The following SYCP2L variants were observed in gnomAD, a reference collection of about 807,000 sequenced individuals.
The protein encoded by SYCP2L is synaptonemal complex protein 2 like.
In SYCP2L, 98 loss-of-function variants were observed where a neutral mutation model predicts 125.8. The ratio of observed to expected loss-of-function variants is 0.78; its 90% CI spans 0.66 to 0.92. The LOEUF is 0.92. Among genes scored for constraint, SYCP2L ranks in the 40% least tolerant of loss-of-function variants. The probability of loss-of-function intolerance (pLI) is 0.00; values close to 1 mark genes in which losing one functional copy is unlikely to be tolerated. For missense variants in SYCP2L, 842 were observed against 936.4 expected, an observed-to-expected ratio of 0.90 and a Z score of 1.32; for synonymous variants, 317 against 325.4, an observed-to-expected ratio of 0.97 and a Z score of 0.28.
At chr6:10,904,011 C>T (rs563484753) in intron 8 of SYCP2L, among the ~76,000 whole-genome samples, 1 of 152,284 alleles carries the variant, frequency 6.6e-6, no homozygotes, top group South Asian at 2.1e-4. Flanking sequence ...GCTCTAACTT[C>T]ATCACACCTC....
intron 8 of SYCP2L, among the ~76,000 whole-genome samples, chr6:10,905,535 G>C (rs1414891875): frequency 2.0e-5 from 3 of 152,110 alleles, no homozygotes; most frequent in African/African-American, 7.2e-5. Flanking sequence ...CAGGTGATCT[G>C]CCCGTCTCGG....
At chr6:10,942,998 C>T (rs1781251103) in intron 23 of SYCP2L, among the ~76,000 whole-genome samples, 1 of 152,056 alleles carries the variant, frequency 6.6e-6, no homozygotes, top group Non-Finnish European at 1.5e-5. Context: ...GACCTGAATC[C>T]CACCAGCCAG....
At chr6:10,933,520 T>A (rs1168431133) in intron 20 of SYCP2L, among the ~76,000 whole-genome samples, 1 of 152,146 alleles carries the variant, frequency 6.6e-6, no homozygotes, top group Non-Finnish European at 1.5e-5. Context: ...ACTTGAGAAT[T>A]TGCATTTCCA....
chr6:10,973,142 TCTC>T (rs1221855757), intron 29 of SYCP2L, among the ~76,000 whole-genome samples: 4 of 152,230 alleles, frequency 2.6e-5, no homozygotes, highest in Admixed American at 2.0e-4. Context: ...CTGCCATTCT[TCTC>T]AGTAGGCATG....
chr6:10,969,036 T>C (rs1350148710), intron 29 of SYCP2L, among the ~76,000 whole-genome samples: 3 of 152,202 alleles, frequency 2.0e-5, no homozygotes, highest in African/African-American at 7.2e-5. Context: ...ACCCTCCCAC[T>C]CAGTTGGATT....
At chr6:10,889,107 G>A (rs369563029) in intron 1 of SYCP2L, among the ~76,000 whole-genome samples, 4 of 152,064 alleles carry the variant, frequency 2.6e-5, no homozygotes, top group South Asian at 4.1e-4. Context: ...TGATATGCCC[G>A]CCTTGGCCTC....
intron 29 of SYCP2L, among the ~76,000 whole-genome samples, chr6:10,969,771 G>T (rs1471933260): frequency 6.6e-6 from 1 of 152,088 alleles, no homozygotes; most frequent in Non-Finnish European, 1.5e-5. Context: ...TAGATGCCCA[G>T]CTAAATACAG....
chr6:10,946,336 C>A (rs755095435), intron 23 of SYCP2L, among the ~76,000 whole-genome samples: 1 of 151,758 alleles, frequency 6.6e-6, no homozygotes, highest in Admixed American at 6.6e-5. Flanking sequence ...TTTTCCATAA[C>A]GTGTAAATTT....
chr6:10,909,556 A>G (rs528124642), intron 10 of SYCP2L, among the ~76,000 whole-genome samples: 42 of 152,266 alleles, frequency 2.8e-4, no homozygotes, highest in African/African-American at 9.6e-4. Flanking sequence ...AAAAACTTGG[A>G]TCTGTCTCTT....
Position 10,907,857 on chromosome 6 carries a change from G to A in SYCP2L, c.819+173G>A, listed in dbSNP as rs971502166. On this transcript the variant is annotated intron_variant, in intron 10 of 29. Transcript: ENST00000283141. ...AAACAATTTGAGGGTAATATGAACA[G>A]AATATTTGTGAGCTAGATATAGGGA... 2.1e-5 allele frequency among the ~76,000 whole-genome samples: 3 copies of A among 142,428 alleles called. No homozygotes were observed. The Admixed American group carries it at 2.1e-4, about 10-fold the overall frequency. 93.4% of individuals were successfully genotyped at this position (142,428 alleles called of 152,430 possible). A position where few individuals can be genotyped will look rare whatever the true frequency, so the allele number is the denominator to read the frequency against.
chr6:10,942,310 T>C (rs1781238722), intron 21 of SYCP2L, 149 bp from the exon 22 acceptor site: 1 of 583,708 alleles, frequency 1.7e-6, no homozygotes. Context: ...AGAATTCGTG[T>C]CCCGAAAGAC....
intron 14 of SYCP2L, among the ~76,000 whole-genome samples, chr6:10,918,101 G>T (rs1341953762): frequency 6.6e-6 from 1 of 151,746 alleles, no homozygotes; most frequent in Non-Finnish European, 1.5e-5. Context: ...GGGAGGTTGA[G>T]GCTGGAGAGT....
intron 23 of SYCP2L, among the ~76,000 whole-genome samples, chr6:10,952,554 T>G (rs1781429648): frequency 6.7e-6 from 1 of 149,484 alleles, no homozygotes; most frequent in African/African-American, 2.5e-5. Flanking sequence ...AAGGACAAAC[T>G]TTGGGCTATT....
chr6:10,912,239 C>T lies in SYCP2L; in HGVS notation c.919-434C>T, dbSNP rs1360171883. 6.6e-6 allele frequency among the ~76,000 whole-genome samples: 1 copy of T among 152,112 alleles called. No homozygotes were observed. On this transcript the variant is annotated intron_variant, in intron 12 of 29. Coordinates refer to ENST00000283141, the MANE Select transcript of SYCP2L (RefSeq NM_001040274.3). The surrounding 1 kb of genome is among the most constrained non-coding windows in gnomAD (Gnocchi z 4.1). ...AATTAAAATGAAGGAAATTTGAAGT[C>T]TTCAAGTCTTAGCTGTACTCTAATG...
chr6:10,971,317 G>A (rs1469815351), intron 29 of SYCP2L, among the ~76,000 whole-genome samples: 1 of 151,870 alleles, frequency 6.6e-6, no homozygotes, highest in Non-Finnish European at 1.5e-5. Context: ...AATTAGCCGG[G>A]TGTGGTGGCA....
chr6:10,971,204 A>G (rs1188053205), intron 29 of SYCP2L, among the ~76,000 whole-genome samples: 3 of 152,110 alleles, frequency 2.0e-5, no homozygotes, highest in African/African-American at 7.2e-5. Context: ...CACACCTGTA[A>G]TCCCAGCACT....
chr6:10,905,442 G>A (rs113052787), intron 8 of SYCP2L, among the ~76,000 whole-genome samples: 18,948 of 151,832 alleles, frequency 0.12, 1,352 homozygotes, highest in Non-Finnish European at 0.15. Context: ...ACAGGCATGT[G>A]CTGCCACACC....
intron 15 of SYCP2L, among the ~76,000 whole-genome samples, chr6:10,925,744 G>A (rs1780885253): frequency 6.6e-6 from 1 of 152,162 alleles, no homozygotes; most frequent in Non-Finnish European, 1.5e-5. Context: ...TTTCATGGAT[G>A]AGGATGAGAA....
At chr6:10,921,927 C>T (rs912342728) in intron 14 of SYCP2L, among the ~76,000 whole-genome samples, 11 of 152,034 alleles carry the variant, frequency 7.2e-5, no homozygotes, top group Non-Finnish European at 1.3e-4. Flanking sequence ...AGGATGGTCT[C>T]GGTCTCCTGA....
Sources: allele counts gnomAD v4.1 joint callset (sites outside exome capture counted in the v4.1 genomes callset), GRCh38; gene constraint gnomAD v4.1.1; non-coding constraint Gnocchi (gnomAD v3.1); transcripts MANE v1.5; gene names NCBI Gene and HGNC (gene_info 2026-07-23, HGNC 2026-07-21).